TRDN: variants seen among roughly 807,000 people sequenced by gnomAD.
TRDN encodes triadin.
A neutral mutation model predicts 149.7 loss-of-function variants in TRDN; 161 were observed. The observed-to-expected ratio is 1.08, with a 90% CI of 0.95 to 1.23. The LOEUF is 1.23. Among genes scored for constraint, TRDN ranks in the 50% most tolerant of loss-of-function variants. The pLI, the probability that TRDN is intolerant of heterozygous loss-of-function variation, is 0.00. For missense variants in TRDN, 896 were observed against 823.5 expected (o/e 1.09, Z -1.08); for synonymous variants, 294 against 250.5 (o/e 1.17, Z -1.64).
chr6:123,330,422 C>T lies in TRDN; in HGVS notation c.1471+1457G>A, dbSNP rs150961537. On this transcript the variant is annotated intron_variant, in intron 23 of 40. Coordinates refer to ENST00000334268, the MANE Select transcript of TRDN (RefSeq NM_006073.4). The stretch of plus-strand genomic sequence containing the variant: ...AAACTTTGAATACTAAAATGTAGCA[C>T]GATTTATCTGCCTGTTGGACATTTA... Among the ~76,000 whole-genome samples, 49 of 151,966 alleles carry T rather than the reference C, an allele frequency of 3.2e-4. 1 individual carries two copies. The East Asian group carries it at 7.0e-3, about 22-fold the overall frequency.
intron 10 of TRDN, among the ~76,000 whole-genome samples, chr6:123,458,952 A>G (rs1483607785): frequency 6.6e-6 from 1 of 152,224 alleles, no homozygotes. Flanking sequence ...GTGTGTGTGC[A>G]TTGTAAATGC....
At chr6:123,464,509 T>C in intron 10 of TRDN, 2 of 999,652 alleles carry the variant, frequency 2.0e-6, no homozygotes, top group Non-Finnish European at 2.4e-6. Context: ...TTTCCAAATT[T>C]ACAAAGCTAG....
At chr6:123,435,884 A>G (rs953045886) in intron 12 of TRDN, among the ~76,000 whole-genome samples, 2 of 151,988 alleles carry the variant, frequency 1.3e-5, no homozygotes, top group Non-Finnish European at 2.9e-5. Context: ...CTGGGCTAAT[A>G]ACACAGGTCT....
chr6:123,433,927 C>A (rs1050137822), intron 12 of TRDN: 7 of 152,128 alleles, frequency 4.6e-5, no homozygotes, highest in Non-Finnish European at 8.8e-5. Flanking sequence ...ATATTATAAT[C>A]TAATCAAGTA....
At chr6:123,377,818 AAAT>A (rs1781568270) in intron 17 of TRDN, 45 bp downstream of exon 17, 1 of 1,603,680 alleles carries the variant, frequency 6.2e-7, no homozygotes, top group Non-Finnish European at 8.5e-7. Flanking sequence ...ATTGCAAATC[AAAT>A]AATATTATGA....
chr6:123,316,360 A>T (rs890347964), intron 24 of TRDN, 97 bp downstream of exon 24: 1 of 1,200,304 alleles, frequency 8.3e-7, no homozygotes, highest in Non-Finnish European at 1.2e-6. Flanking sequence ...GGATGTCTAA[A>T]TATTTTATCC....
chr6:123,527,851 T>C (rs945846789), intron 5 of TRDN, among the ~76,000 whole-genome samples: 2 of 151,780 alleles, frequency 1.3e-5, no homozygotes, highest in Non-Finnish European at 2.9e-5. Flanking sequence ...ACATACAGTA[T>C]TCTGATTATA....
At chr6:123,435,428 A>G (rs1378710547) in intron 12 of TRDN, among the ~76,000 whole-genome samples, 2 of 152,064 alleles carry the variant, frequency 1.3e-5, no homozygotes, top group South Asian at 2.1e-4. Flanking sequence ...ACATGAAAAT[A>G]TAAAGAATTA....
intron 23 of TRDN, among the ~76,000 whole-genome samples, chr6:123,327,916 A>T (rs911269596): frequency 2.7e-4 from 41 of 152,170 alleles, no homozygotes; most frequent in Non-Finnish European, 5.0e-4. Context: ...ATAATTTGTA[A>T]TGCTATATAA....
In TRDN at chr6:123,218,684, G is replaced by A. The variant is rs1409533355; in HGVS notation, c.2107C>T (p.Gln703Ter). The A allele has an allele frequency of 2.5e-6, 4 of 1,603,878 alleles. No individual in the cohort carries two copies. The highest frequency in any genetic ancestry group is 2.7e-5 in the African/African-American group (2 of 74,704). ...YLDGYNGYGF[Q>*]FPFTPADRPG... ...CGGTCTGCAGGAGTGAAAGGAAACT[G>A]AAATCCATAGCCATTGTACCCATCC... The change falls in exon 41 of 41, where the codon CAG (glutamine) becomes TAG (stop). Residue 703 changes from glutamine to a stop codon, truncating the protein, a stop_gained. Coordinates refer to ENST00000334268, the MANE Select transcript of TRDN (RefSeq NM_006073.4). LOFTEE classifies it high-confidence loss of function.
At chr6:123,526,682 A>C (rs1028604122) in intron 5 of TRDN, among the ~76,000 whole-genome samples, 3 of 152,082 alleles carry the variant, frequency 2.0e-5, no homozygotes, top group African/African-American at 7.2e-5. Context: ...ATAGTAGATA[A>C]ACACTCATAC....
chr6:123,589,474 C>A (rs566810710), intron 1 of TRDN, among the ~76,000 whole-genome samples: 2 of 152,228 alleles, frequency 1.3e-5, no homozygotes, highest in East Asian at 3.9e-4. Context: ...AATGACATGC[C>A]ATTTCAATTT....
Position 123,425,232 on chromosome 6 carries a change from GGTGTGTGTGTGT to G in TRDN, c.1051+12819_1051+12830del, listed in dbSNP as rs60065532. ...GCATAGAGCCACATTCAGAGGTAGAGGTGTGTGTGTGTGTGTGTGTGTGTGTGTGTGTGTGTG... is the reference window on the plus strand; with the variant it reads ...GCATAGAGCCACATTCAGAGGTAGAGGTGTGTGTGTGTGTGTGTGTGTGTG... On this transcript the variant is annotated intron_variant, in intron 12 of 40. Transcript: ENST00000334268. 4.5e-3 allele frequency among the ~76,000 whole-genome samples: 621 copies of G among 138,826 alleles called. 2 individuals are homozygous for G. Among genetic ancestry groups the G allele is most frequent in the African/African-American group, 9.8e-3 (367 of 37,274 alleles). 91.1% of individuals were successfully genotyped at this position (138,826 alleles called of 152,430 possible). A position where few individuals can be genotyped will look rare whatever the true frequency, so the allele number is the denominator to read the frequency against.
intron 1 of TRDN, among the ~76,000 whole-genome samples, chr6:123,605,117 G>A (rs912121742): frequency 1.1e-4 from 16 of 151,654 alleles, no homozygotes; most frequent in African/African-American, 3.9e-4. Flanking sequence ...TGAGAGGTAA[G>A]CTGTCATCAT....
intron 2 of TRDN, among the ~76,000 whole-genome samples, chr6:123,554,739 G>A (rs1430856480): frequency 6.6e-6 from 1 of 152,026 alleles, no homozygotes; most frequent in Non-Finnish European, 1.5e-5. Flanking sequence ...AAACAGATAG[G>A]AAAAACAAAA....
At chr6:123,573,594 A>T (rs1457151362) in intron 1 of TRDN, among the ~76,000 whole-genome samples, 1 of 152,048 alleles carries the variant, frequency 6.6e-6, no homozygotes, top group Non-Finnish European at 1.5e-5. Flanking sequence ...TCAGGGACTC[A>T]AAAAAGGATT....
intron 19 of TRDN, among the ~76,000 whole-genome samples, chr6:123,370,751 T>C (rs1781292228): frequency 6.6e-6 from 1 of 152,180 alleles, no homozygotes; most frequent in Admixed American, 6.6e-5. Context: ...TTTAGTCTCA[T>C]GTAAAATACT....
intron 9 of TRDN, among the ~76,000 whole-genome samples, chr6:123,495,516 T>C (rs2114808265): frequency 1.0e-5 from 1 of 96,844 alleles, no homozygotes; most frequent in African/African-American, 3.6e-5. Context: ...TGAGGCTCTG[T>C]CTCAAAAAAA....
chr6:123,267,896 T>G (rs1000611215), intron 31 of TRDN, 145 bp from the exon 32 acceptor site: 1 of 622,580 alleles, frequency 1.6e-6, no homozygotes, highest in Non-Finnish European at 2.7e-6. Flanking sequence ...AGAAAGCATA[T>G]TGCCATAAAA....
Sources: gnomAD v4.1 joint callset for allele counts (sites outside exome capture counted in the v4.1 genomes callset) on GRCh38, gnomAD v4.1.1 for gene constraint, MANE v1.5 for transcripts, NCBI Gene and HGNC (gene_info 2026-07-23, HGNC 2026-07-21) for gene names.